The following HSD17B4 variants were observed in gnomAD, a reference collection of about 807,000 sequenced individuals.
The protein encoded by HSD17B4 is peroxisomal multifunctional enzyme type 2.
In HSD17B4, 70 loss-of-function variants were observed where a neutral mutation model predicts 101.0. That is an observed-to-expected ratio of 0.69 (90% CI 0.57 to 0.85). The LOEUF (loss-of-function observed/expected upper bound fraction) is 0.85. HSD17B4 is among the 40% of genes least tolerant of loss of function. HSD17B4 has a pLI of 0.00. For synonymous variants in HSD17B4, 347 were observed against 297.1 expected (o/e 1.17, Z -1.73); for missense variants, 984 against 892.4 (o/e 1.10, Z -1.31).
chr5:119,536,360 T>C, intron 22 of HSD17B4, 63 bp from the exon 23 acceptor site: 1 of 1,477,470 alleles, frequency 6.8e-7, no homozygotes, highest in Non-Finnish European at 9.5e-7. Flanking sequence ...TTACTTGGTT[T>C]ATTTTACCCT....
chr5:119,460,982 T>G (rs1755170277), intron 2 of HSD17B4, among the ~76,000 whole-genome samples: 2 of 152,182 alleles, frequency 1.3e-5, no homozygotes, highest in South Asian at 4.1e-4. Context: ...GGAGCCAGTG[T>G]GGTTATATAG....
chr5:119,466,208 T>C (rs1481697176), intron 2 of HSD17B4, among the ~76,000 whole-genome samples: 2 of 152,224 alleles, frequency 1.3e-5, no homozygotes, highest in Non-Finnish European at 2.9e-5. Context: ...TTTGCTAGTA[T>C]TTTGTTTAGG....
rs1468399937 is a variant in HSD17B4, at chr5:119,514,999, A to G, written c.1456A>G (p.Asn486Asp). Residue 486 changes from asparagine (N) to aspartate (D), a missense_variant, in exon 17 of 24, where the codon AAT (asparagine) becomes GAT (aspartate). Physicochemically the swap from Asn to Asp is conservative, Grantham distance 23. Coordinates refer to ENST00000510025, the MANE Select transcript of HSD17B4 (RefSeq NM_000414.4). ...ATTTTAGGTAGCTGTAGCCATACCT[A>G]ATAGACCTCCTGATGCTGTACTTAC... Reference protein sequence around the residue: ...DKVKVAVAIPNRPPDAVLTDT... With the variant: ...DKVKVAVAIPDRPPDAVLTDT... The G allele has an allele frequency of 6.3e-7, 1 of 1,575,226 alleles. No homozygotes were observed. Among genetic ancestry groups the G allele is most frequent in the Non-Finnish European group, 8.7e-7 (1 of 1,144,770 alleles).
chr5:119,461,611 G>A (rs538001651), intron 2 of HSD17B4, among the ~76,000 whole-genome samples: 3 of 152,198 alleles, frequency 2.0e-5, no homozygotes, highest in Admixed American at 2.0e-4. Context: ...GCTGGGTGCA[G>A]TGGCTCACGC....
At chr5:119,469,684 T>C (rs1236232895) in intron 2 of HSD17B4, among the ~76,000 whole-genome samples, 1 of 152,234 alleles carries the variant, frequency 6.6e-6, no homozygotes, top group Non-Finnish European at 1.5e-5. Flanking sequence ...TGTTCCTACA[T>C]TGATATTTGT....
intron 2 of HSD17B4, among the ~76,000 whole-genome samples, chr5:119,467,545 C>G (rs1755931029): frequency 6.6e-6 from 1 of 152,100 alleles, no homozygotes; most frequent in Non-Finnish European, 1.5e-5. Flanking sequence ...TATATAATGA[C>G]CTTGTTTTTC....
intron 22 of HSD17B4, among the ~76,000 whole-genome samples, chr5:119,535,594 C>T (rs972855784): frequency 1.3e-5 from 2 of 150,736 alleles, no homozygotes; most frequent in African/African-American, 4.9e-5. Flanking sequence ...AAGTAATATG[C>T]TCTTGGTGTG....
intron 9 of HSD17B4, among the ~76,000 whole-genome samples, chr5:119,491,404 C>G (rs1412416867): frequency 6.7e-6 from 1 of 150,202 alleles, no homozygotes; most frequent in Non-Finnish European, 1.5e-5. Context: ...TTTGGGTACA[C>G]TGTAGTTGTG....
intron 2 of HSD17B4, among the ~76,000 whole-genome samples, chr5:119,462,934 C>T (rs1755412294): frequency 1.3e-5 from 2 of 152,148 alleles, no homozygotes; most frequent in Non-Finnish European, 2.9e-5. Context: ...GAGTACTATA[C>T]ACCACTAGAA....
Position 119,452,612 on chromosome 5 carries a change from C to T in HSD17B4, c.37C>T (p.Leu13=). ...GCTGAGGTTCGACGGGCGGGTGGTA[C>T]TGGTCACCGGCGCGGGGGCAGGTGA... ...SPLRFDGRVV[L]VTGAGAGLGR... is the part of the protein sequence containing the mutation. Residue 13 remains leucine, a synonymous_variant, in exon 1 of 24, where the codon CTG becomes TTG. Transcript: ENST00000510025. 6.2e-7 allele frequency: 1 copy of T among 1,614,008 alleles called. No homozygotes were observed. The highest frequency in any genetic ancestry group is 8.5e-7 in the Non-Finnish European group (1 of 1,179,974).
At chr5:119,477,188 C>A (rs1304258232) in intron 6 of HSD17B4, among the ~76,000 whole-genome samples, 5 of 152,040 alleles carry the variant, frequency 3.3e-5, no homozygotes, top group Admixed American at 1.3e-4. Context: ...ATAGGCATTA[C>A]ATTAATTTTA....
intron 17 of HSD17B4, among the ~76,000 whole-genome samples, chr5:119,519,005 G>T (rs1225294246): frequency 1.3e-5 from 2 of 152,104 alleles, no homozygotes; most frequent in Non-Finnish European, 2.9e-5. Flanking sequence ...CGAGCATGGT[G>T]GCATACGCCT....
At chr5:119,496,141 C>A (rs1362713770) in intron 11 of HSD17B4, among the ~76,000 whole-genome samples, 1 of 152,148 alleles carries the variant, frequency 6.6e-6, no homozygotes, top group Admixed American at 6.6e-5. Context: ...TCTTGGCATT[C>A]TTTCATCCTG....
At chr5:119,539,943 AT>A (rs1284123584) in intron 23 of HSD17B4, among the ~76,000 whole-genome samples, 1 of 147,786 alleles carries the variant, frequency 6.8e-6, no homozygotes, top group Non-Finnish European at 1.5e-5. Context: ...AAAAAAAAAA[AT>A]TAGCCTGGTG....
chr5:119,525,336 T>G, intron 18 of HSD17B4, 51 bp downstream of exon 18: 1 of 1,098,446 alleles, frequency 9.1e-7, no homozygotes, highest in Non-Finnish European at 1.4e-6. Flanking sequence ...ATTCGATATT[T>G]AATTAAATAA....
chr5:119,487,661 C>T (rs1458192084), intron 8 of HSD17B4, among the ~76,000 whole-genome samples: 20 of 152,044 alleles, frequency 1.3e-4, no homozygotes, highest in African/African-American at 4.1e-4. Flanking sequence ...TTTTTTCTCA[C>T]GTAAGGTAAT....
intron 2 of HSD17B4, among the ~76,000 whole-genome samples, chr5:119,463,522 A>ATTT (rs200229610): frequency 2.5e-5 from 3 of 117,928 alleles, no homozygotes; most frequent in Admixed American, 2.5e-4. Flanking sequence ...ATCCTTTGTT[A>ATTT]TTTTTTTTTT....
chr5:119,513,663 T>G (rs1338570346), intron 16 of HSD17B4, among the ~76,000 whole-genome samples: 3 of 152,206 alleles, frequency 2.0e-5, no homozygotes, highest in African/African-American at 7.2e-5. Context: ...TTTTTAATAT[T>G]GGGCAATAAT....
intron 2 of HSD17B4, among the ~76,000 whole-genome samples, chr5:119,469,108 A>T (rs1756101950): frequency 6.6e-6 from 1 of 151,186 alleles, no homozygotes; most frequent in Non-Finnish European, 1.5e-5. Flanking sequence ...TGAATTTCTC[A>T]TTTAGATAAT....
Sources: allele counts gnomAD v4.1 joint callset (sites outside exome capture counted in the v4.1 genomes callset), GRCh38; gene constraint gnomAD v4.1.1; transcripts MANE v1.5; gene names NCBI Gene and HGNC (gene_info 2026-07-23, HGNC 2026-07-21).